Variants in BACH2 observed in about 807,000 individuals in gnomAD.
The protein encoded by BACH2 is BACH transcriptional regulator 2.
In BACH2, 5 loss-of-function variants were observed where a neutral mutation model predicts 61.8. The ratio of observed to expected loss-of-function variants is 0.08; its 90% CI spans 0.04 to 0.17. The LOEUF is 0.17. BACH2 is among the 10% of genes least tolerant of loss of function. The probability of loss-of-function intolerance (pLI) is 1.00; values close to 1 mark genes in which losing one functional copy is unlikely to be tolerated. For missense variants in BACH2, 824 were observed against 1,091.1 expected, an observed-to-expected ratio of 0.76 and a Z score of 3.45; for synonymous variants, 446 against 440.1, an observed-to-expected ratio of 1.01 and a Z score of -0.17.
At chr6:90,099,240 T>C (rs1782513767) in intron 4 of BACH2, among the ~76,000 whole-genome samples, 1 of 152,116 alleles carries the variant, frequency 6.6e-6, no homozygotes, top group Non-Finnish European at 1.5e-5. Context: ...AGGAGAAGTG[T>C]GGGGCAGTGA....
rs186806493 is a variant in BACH2, at chr6:90,272,187, C to T, written c.-445-246G>A. On this transcript the variant is annotated intron_variant, in intron 1 of 8. Coordinates refer to ENST00000257749, the MANE Select transcript of BACH2 (RefSeq NM_021813.4). Reference sequence around the variant, plus strand: ...GTGCAGGGTACAAATGGCCTTCTTCCGTGTCAAATCTTATGTCCCCCTTTC... The same window carrying T: ...GTGCAGGGTACAAATGGCCTTCTTCTGTGTCAAATCTTATGTCCCCCTTTC... Among the ~76,000 whole-genome samples the T allele has an allele frequency of 2.2e-3, 328 of 152,162 alleles. 2 individuals carry two copies. The highest frequency in any genetic ancestry group is 3.1e-3 in the Non-Finnish European group (210 of 68,006).
At chr6:90,085,459 C>T (rs934032659) in intron 5 of BACH2, among the ~76,000 whole-genome samples, 1 of 152,156 alleles carries the variant, frequency 6.6e-6, no homozygotes, top group Non-Finnish European at 1.5e-5. Context: ...CTGGAGCAGC[C>T]CCACTGCTGG....
intron 1 of BACH2, among the ~76,000 whole-genome samples, chr6:90,288,479 G>C (rs7774504): frequency 6.6e-5 from 10 of 152,082 alleles, no homozygotes; most frequent in African/African-American, 2.4e-4. Flanking sequence ...AATGTTTCAA[G>C]TGGCTCCTGA....
intron 4 of BACH2, among the ~76,000 whole-genome samples, chr6:90,152,338 G>A (rs142645252): frequency 6.6e-6 from 1 of 152,328 alleles, no homozygotes; most frequent in Admixed American, 6.5e-5. Context: ...CAGTAATGCT[G>A]AAATAAAGAG....
intron 6 of BACH2, among the ~76,000 whole-genome samples, chr6:89,987,144 T>C (rs1776288035): frequency 6.6e-6 from 1 of 152,190 alleles, no homozygotes. Context: ...GCTGATATTA[T>C]GTGTTAAATG....
intron 5 of BACH2, among the ~76,000 whole-genome samples, chr6:90,011,835 C>T (rs1024608955): frequency 1.1e-4 from 11 of 103,038 alleles, no homozygotes; most frequent in South Asian, 3.9e-4. Context: ...ACAGGAGAAT[C>T]GCTTGAACCC....
At chr6:90,204,313 T>C (rs923531791) in intron 4 of BACH2, among the ~76,000 whole-genome samples, 1 of 152,100 alleles carries the variant, frequency 6.6e-6, no homozygotes, top group Non-Finnish European at 1.5e-5. Context: ...ACAATATTTC[T>C]AGCACTCCAA....
chr6:90,228,300 C>T (rs545608031), intron 3 of BACH2, among the ~76,000 whole-genome samples: 224 of 152,322 alleles, frequency 1.5e-3, no homozygotes, highest in Non-Finnish European at 2.6e-3. Context: ...ACACTACAGG[C>T]ACATCAGCTG....
intron 6 of BACH2, among the ~76,000 whole-genome samples, chr6:89,986,818 G>T (rs1776266763): frequency 6.6e-6 from 1 of 152,138 alleles, no homozygotes; most frequent in Non-Finnish European, 1.5e-5. Flanking sequence ...CTTCATTTCT[G>T]GTTTTGATGG....
chr6:90,194,706 C>T (rs1043703592), intron 4 of BACH2, among the ~76,000 whole-genome samples: 2 of 152,148 alleles, frequency 1.3e-5, no homozygotes, highest in Non-Finnish European at 2.9e-5. Flanking sequence ...AAGCAGGTGC[C>T]GCAGAAGCCA....
intron 5 of BACH2, among the ~76,000 whole-genome samples, chr6:90,072,940 T>C (rs1467732241): frequency 1.3e-5 from 2 of 152,182 alleles, no homozygotes; most frequent in East Asian, 3.8e-4. Context: ...AAATCTAACA[T>C]CGTTAACATA....
chr6:90,056,514 A>C (rs980676024), intron 5 of BACH2, among the ~76,000 whole-genome samples: 1 of 152,048 alleles, frequency 6.6e-6, no homozygotes. Context: ...CTCCCACACA[A>C]TAATAATGGG....
In BACH2 at chr6:89,950,147, T is replaced by C; in HGVS notation, c.1836+123A>G. 8.6e-7 allele frequency: 1 copy of C among 1,158,088 alleles called. No individual in the cohort carries two copies. Among genetic ancestry groups the C allele is most frequent in the Admixed American group, 1.8e-5 (1 of 55,792 alleles). The allele number at this position is 1,158,088 out of a possible 1,614,324, so 71.7% of individuals were successfully genotyped here. ...GCCTCTGTGGATGGGGAAGGCAGTC[T>C]CTCTACTGTCATCTTTAATCTTAGC... On this transcript the variant is annotated intron_variant, in intron 7 of 8. Transcript: ENST00000257749. This position sits in a 1 kb window ranked among gnomAD's most constrained non-coding sequence, Gnocchi z 5.3.
At chr6:89,935,418 C>A (rs1052628563) in intron 8 of BACH2, among the ~76,000 whole-genome samples, 2 of 152,152 alleles carry the variant, frequency 1.3e-5, no homozygotes, top group African/African-American at 2.4e-5. Context: ...AAAGCACGGA[C>A]CCCTCCAGGC....
intron 4 of BACH2, among the ~76,000 whole-genome samples, chr6:90,173,207 T>C (rs1383741444): frequency 6.6e-6 from 1 of 151,456 alleles, no homozygotes; most frequent in Non-Finnish European, 1.5e-5. Context: ...AAAAATAATA[T>C]GGTCAAAATG....
chr6:90,141,959 T>C (rs557361520), intron 4 of BACH2, among the ~76,000 whole-genome samples: 2 of 152,336 alleles, frequency 1.3e-5, no homozygotes, highest in African/African-American at 4.8e-5. Context: ...CTTATGCCTA[T>C]AATCCCAGCT....
intron 5 of BACH2, among the ~76,000 whole-genome samples, chr6:90,083,322 T>G (rs532990879): frequency 2.6e-5 from 4 of 152,310 alleles, no homozygotes; most frequent in Non-Finnish European, 5.9e-5. Context: ...ACATAGATTA[T>G]TTGGAGACTC....
At position 89,927,532 on chromosome 6, in the gene BACH2, T is replaced by C. The variant is rs1460387037; in HGVS notation, c.*4876A>G. 6.5e-6 allele frequency: 1 copy of C among 152,814 alleles called. No individual in the cohort carries two copies. Among genetic ancestry groups the C allele is most frequent in the Non-Finnish European group, 1.5e-5 (1 of 68,038 alleles). 9.5% of individuals were successfully genotyped at this position (152,814 alleles called of 1,614,324 possible). The stretch of plus-strand genomic sequence containing the variant: ...GCTTCTAAGAAGGGCCAGTGTTTTA[T>C]CTGAGGTCAATAAACTGGAATGAGA... On this transcript the variant is annotated 3_prime_UTR_variant, in exon 9 of 9. Transcript: ENST00000257749.
At chr6:89,995,485 GC>G (rs1776794712) in intron 6 of BACH2, among the ~76,000 whole-genome samples, 1 of 152,098 alleles carries the variant, frequency 6.6e-6, no homozygotes, top group Non-Finnish European at 1.5e-5. Flanking sequence ...GACACTCCAG[GC>G]TCAGATTGAC....
Sources: gnomAD v4.1 joint callset for allele counts (sites outside exome capture counted in the v4.1 genomes callset) on GRCh38, gnomAD v4.1.1 for gene constraint, Gnocchi (gnomAD v3.1) non-coding constraint, MANE v1.5 for transcripts, NCBI Gene and HGNC (gene_info 2026-07-23, HGNC 2026-07-21) for gene names.